The following MCPH1 variants were observed in gnomAD, a reference collection of about 807,000 sequenced individuals.
MCPH1 encodes the protein microcephalin 1.
A neutral mutation model predicts 84.5 loss-of-function variants in MCPH1; 104 were observed. That is an observed-to-expected ratio of 1.23 (90% CI 1.05 to 1.45). The LOEUF is 1.45. Among genes scored for constraint, MCPH1 ranks in the 40% most tolerant of loss-of-function variants. The pLI is 0.00. For synonymous variants in MCPH1, 514 were observed against 366.8 expected, an observed-to-expected ratio of 1.40 and a Z score of -4.58; for missense variants, 1,498 against 1,005.7, an observed-to-expected ratio of 1.49 and a Z score of -6.62.
rs937839291 is a variant in MCPH1, at chr8:6,477,186, T to G, written c.1936-408T>G. 5 of 187,984 alleles carry G rather than the reference T, an allele frequency of 2.7e-5. No homozygotes were observed. In the East Asian group the frequency reaches 7.2e-4, roughly 27 times the overall value. 11.6% of individuals were successfully genotyped at this position (187,984 alleles called of 1,614,324 possible). On this transcript the variant is annotated intron_variant, in intron 9 of 13. Coordinates refer to ENST00000344683, the MANE Select transcript of MCPH1 (RefSeq NM_024596.5). Reference sequence around the variant, plus strand: ...AGAAGCACAAGCATTATTGTGCACCTGTGTCTGAAATGAGAATGAGGCTGC... The same window carrying G: ...AGAAGCACAAGCATTATTGTGCACCGGTGTCTGAAATGAGAATGAGGCTGC...
rs1310315624 is a variant in MCPH1 at position 6,627,210 on chromosome 8, CT to C, written c.2452+5520del. On this transcript the variant is annotated intron_variant, in intron 13 of 13. Transcript: ENST00000344683. ...GGGAGGCCTCAGGCCTTCGGGCTTC[CT>C]GATTCAGTAGATATGTGAGGCTTGA... 52 of 985,440 alleles carry C rather than the reference CT, an allele frequency of 5.3e-5. No homozygotes were observed. In the African/African-American group the frequency reaches 7.1e-4, roughly 14 times the overall value. The allele number at this position is 985,440 out of a possible 1,614,324, so 61.0% of individuals were successfully genotyped here.
chr8:6,474,830 A>G (rs1330400996), intron 9 of MCPH1, among the ~76,000 whole-genome samples: 1 of 152,192 alleles, frequency 6.6e-6, no homozygotes, highest in East Asian at 1.9e-4. Context: ...GAGAGACCCC[A>G]TCTTAAAAAA....
At position 6,419,628 on chromosome 8, in the gene MCPH1, T is replaced by G. The variant is rs149908321; in HGVS notation, c.233+4745T>G. On this transcript the variant is annotated intron_variant, in intron 3 of 13. Coordinates refer to ENST00000344683, the MANE Select transcript of MCPH1 (RefSeq NM_024596.5). ...CGTGTTAGCCAGGATGGTCTTGATC[T>G]CCTGACCTTGTGATCCACCTGCCTT... 4.6e-4 allele frequency among the ~76,000 whole-genome samples: 70 copies of G among 151,554 alleles called. 1 individual carries two copies. The East Asian group carries it at 0.013, about 28-fold the overall frequency.
chr8:6,542,874 A>G (rs1821865314), intron 12 of MCPH1, among the ~76,000 whole-genome samples: 1 of 152,232 alleles, frequency 6.6e-6, no homozygotes, highest in African/African-American at 2.4e-5. Context: ...GGAAAAGGCT[A>G]GCGAAACTTA....
intron 12 of MCPH1, among the ~76,000 whole-genome samples, chr8:6,544,985 G>A (rs918330209): frequency 6.6e-6 from 1 of 152,164 alleles, no homozygotes; most frequent in Non-Finnish European, 1.5e-5. Flanking sequence ...GGTATGATGA[G>A]CTCATGCTCT....
intron 8 of MCPH1, chr8:6,446,250 G>C: frequency 2.1e-6 from 2 of 974,002 alleles, no homozygotes; most frequent in Non-Finnish European, 2.4e-6. Flanking sequence ...ACAGTTATAA[G>C]CACAAATAGG....
intron 10 of MCPH1, among the ~76,000 whole-genome samples, chr8:6,478,322 T>C (rs1808744078): frequency 6.6e-6 from 1 of 152,160 alleles, no homozygotes. Context: ...TCAAACACCA[T>C]ACATTATATA....
At chr8:6,412,561 C>G (rs117619030) in intron 2 of MCPH1, among the ~76,000 whole-genome samples, 2,845 of 152,322 alleles carry the variant, frequency 0.019, 36 homozygotes, top group Non-Finnish European at 0.029. Context: ...GTCATTATAA[C>G]TTCTGATTCA....
At chr8:6,537,578 A>G (rs1820739025) in intron 12 of MCPH1, among the ~76,000 whole-genome samples, 3 of 151,858 alleles carry the variant, frequency 2.0e-5, no homozygotes, top group South Asian at 2.1e-4. Context: ...ATTAATATAT[A>G]TATATTTTAG....
At chr8:6,552,715 G>C (rs181515799) in intron 12 of MCPH1, among the ~76,000 whole-genome samples, 210 of 152,128 alleles carry the variant, frequency 1.4e-3, no homozygotes, top group African/African-American at 4.8e-3. Flanking sequence ...CACTGATGTA[G>C]GTAAGAAAAC....
Position 6,475,761 on chromosome 8 carries a change from A to T in MCPH1, c.1936-1833A>T, listed in dbSNP as rs192524265. Among the ~76,000 whole-genome samples the T allele has an allele frequency of 2.4e-3, 365 of 152,190 alleles. 4 individuals carry two copies. Among genetic ancestry groups the T allele is most frequent in the African/African-American group, 8.5e-3 (354 of 41,526 alleles). On this transcript the variant is annotated intron_variant, in intron 9 of 13. Coordinates refer to ENST00000344683, the MANE Select transcript of MCPH1 (RefSeq NM_024596.5). ...AAGCAGGTTTCCTGCAGGGAGTTTTAGTTGGTGAGTTTAAAACAGGCAGCC... is the reference window on the plus strand; with the variant it reads ...AAGCAGGTTTCCTGCAGGGAGTTTTTGTTGGTGAGTTTAAAACAGGCAGCC...
intron 12 of MCPH1, among the ~76,000 whole-genome samples, chr8:6,568,076 G>A (rs955536679): frequency 7.9e-5 from 12 of 152,092 alleles, no homozygotes; most frequent in African/African-American, 2.7e-4. Flanking sequence ...CCTGGTTGAC[G>A]ACACCAGAAA....
intron 12 of MCPH1, among the ~76,000 whole-genome samples, chr8:6,548,569 G>C (rs764666318): frequency 1.3e-5 from 2 of 152,182 alleles, no homozygotes; most frequent in Admixed American, 6.5e-5. Flanking sequence ...AAACTTGCAA[G>C]GCAGGCTGAT....
chr8:6,435,880 G>A (rs1162183086), intron 4 of MCPH1, among the ~76,000 whole-genome samples, 168 bp from the exon 5 acceptor site: 2 of 151,982 alleles, frequency 1.3e-5, no homozygotes, highest in Non-Finnish European at 2.9e-5. Context: ...CTTTATAACT[G>A]CACAAAAAAA....
In MCPH1 at chr8:6,427,885, C is replaced by G. The variant is rs146994945; in HGVS notation, c.234-3614C>G. 2.8e-3 allele frequency among the ~76,000 whole-genome samples: 429 copies of G among 151,714 alleles called. 2 individuals carry two copies. Among genetic ancestry groups the G allele is most frequent in the Non-Finnish European group, 5.0e-3 (338 of 67,946 alleles). ...TCGGCTCACTGCAACCTCTGCCTCC[C>G]AGGTTCAAGCGATTCTCCTGACTCA... On this transcript the variant is annotated intron_variant, in intron 3 of 13. Transcript: ENST00000344683.
At position 6,455,928 on chromosome 8, in the gene MCPH1, C is replaced by T. The variant is rs73516791; in HGVS notation, c.1935+676C>T. ...AAAAACCATACCGATTGAAAAGCAA[C>T]AGATGAAAAGAATGACAGAGTAGAT... On this transcript the variant is annotated intron_variant, in intron 9 of 13. Transcript: ENST00000344683. 3.0e-3 allele frequency among the ~76,000 whole-genome samples: 453 copies of T among 152,180 alleles called. 2 individuals are homozygous for T. The highest frequency in any genetic ancestry group is 0.011 in the African/African-American group (437 of 41,518).
At chr8:6,546,973 C>G (rs996161186) in intron 12 of MCPH1, among the ~76,000 whole-genome samples, 5 of 152,310 alleles carry the variant, frequency 3.3e-5, no homozygotes, top group African/African-American at 1.2e-4. Flanking sequence ...TTAGTCCTGT[C>G]TTCTTTCAGG....
chr8:6,557,204 G>T (rs976144163), intron 12 of MCPH1, among the ~76,000 whole-genome samples: 8 of 152,084 alleles, frequency 5.3e-5, no homozygotes, highest in Admixed American at 3.3e-4. Flanking sequence ...GTGCTTTCCC[G>T]TGTTTGCTTT....
chr8:6,476,082 C>G (rs1808410550), intron 9 of MCPH1, among the ~76,000 whole-genome samples: 1 of 152,114 alleles, frequency 6.6e-6, no homozygotes, highest in Admixed American at 6.5e-5. Context: ...AGTGGCATTT[C>G]CACAGTACAA....
Sources: gnomAD v4.1 joint callset for allele counts (sites outside exome capture counted in the v4.1 genomes callset) on GRCh38, gnomAD v4.1.1 for gene constraint, MANE v1.5 for transcripts, NCBI Gene and HGNC (gene_info 2026-07-23, HGNC 2026-07-21) for gene names.